The following SBF2 variants were observed in gnomAD, a reference collection of about 807,000 sequenced individuals.
SBF2 encodes the protein myotubularin-related protein 13.
SBF2 carries 112 observed loss-of-function variants against 225.2 expected under a neutral mutation model. The ratio of observed to expected loss-of-function variants is 0.50; its 90% confidence interval spans 0.43 to 0.58. SBF2 has a LOEUF of 0.58. SBF2 is among the 20% of genes least tolerant of loss of function. SBF2 has a pLI of 0.00. For synonymous variants in SBF2, 763 were observed against 773.3 expected, an observed-to-expected ratio of 0.99 and a Z score of 0.22; for missense variants, 1,996 against 2,206.2, an observed-to-expected ratio of 0.90 and a Z score of 1.91.
In SBF2 at chr11:9,959,186, G is replaced by C. The variant is rs1032796437; in HGVS notation, c.1860+2771C>G. The C allele has an allele frequency of 7.5e-6, 6 of 800,332 alleles. No individual in the cohort carries two copies. In the African/African-American group the frequency reaches 1.0e-4, roughly 13 times the overall value. 49.6% of individuals were successfully genotyped at this position (800,332 alleles called of 1,614,324 possible). A position where few individuals can be genotyped will look rare whatever the true frequency, so the allele number is the denominator to read the frequency against. On this transcript the variant is annotated intron_variant, in intron 16 of 39. Transcript: ENST00000256190. ...TCTTCCATGCTGATTCCTTCACAGG[G>C]TCCGATTTGGAATTTCCACTGGGCA...
intron 32 of SBF2, 134 bp from the exon 33 acceptor site, chr11:9,796,091 A>C (rs964336983): frequency 1.1e-6 from 1 of 869,870 alleles, no homozygotes; most frequent in South Asian, 1.5e-5. Flanking sequence ...AATCCCTACC[A>C]TAAGTAGAGA....
At chr11:9,902,936 G>A (rs1462958068) in intron 16 of SBF2, among the ~76,000 whole-genome samples, 1 of 141,656 alleles carries the variant, frequency 7.1e-6, no homozygotes, top group East Asian at 2.0e-4. Context: ...ACTAGTGGAG[G>A]AAAAAATGGA....
At chr11:9,796,973 A>C (rs1474101972) in intron 32 of SBF2, among the ~76,000 whole-genome samples, 1 of 152,180 alleles carries the variant, frequency 6.6e-6, no homozygotes, top group Non-Finnish European at 1.5e-5. Flanking sequence ...GACACTCCCT[A>C]GTCTGCCTCG....
intron 1 of SBF2, among the ~76,000 whole-genome samples, chr11:10,254,884 GAGTGAGACTCTGTCTCAAAAAAAAAAAAA>G (rs1960717523): frequency 3.4e-5 from 3 of 88,856 alleles, no homozygotes; most frequent in Non-Finnish European, 6.3e-5. Flanking sequence ...CTGGGTGACA[GAGTGAGACTCTGTCTCAAAAAAAAAAAAA>G]AAAAAAAAAA....
intron 13 of SBF2, among the ~76,000 whole-genome samples, chr11:9,970,741 T>C (rs1021091205): frequency 1.3e-5 from 2 of 152,232 alleles, no homozygotes; most frequent in Non-Finnish European, 2.9e-5. Flanking sequence ...GCTTATCTTA[T>C]ATAAGGCTCC....
At position 10,185,115 on chromosome 11, in the gene SBF2, G is replaced by GT. The variant is rs1956882966; in HGVS notation, c.141+8786_141+8787insA. ...TTAAGGCTGAATAATATTCTGGGGG[G>GT]GGGTGTGTGTGTGCGTGCACACGTG... On this transcript the variant is annotated intron_variant, in intron 2 of 39. Coordinates refer to ENST00000256190, the MANE Select transcript of SBF2 (RefSeq NM_030962.4). Among the ~76,000 whole-genome samples the GT allele has an allele frequency of 2.7e-5, 4 of 150,836 alleles. No homozygotes were observed. In the South Asian group the frequency reaches 8.7e-4, roughly 33 times the overall value.
At chr11:10,129,842 AC>A (rs1411314115) in intron 2 of SBF2, among the ~76,000 whole-genome samples, 1 of 151,930 alleles carries the variant, frequency 6.6e-6, no homozygotes, top group Non-Finnish European at 1.5e-5. Context: ...CCATCTCTAA[AC>A]AAACAAACAA....
intron 2 of SBF2, among the ~76,000 whole-genome samples, chr11:10,151,890 A>G (rs926810845): frequency 5.3e-5 from 8 of 152,200 alleles, no homozygotes; most frequent in Non-Finnish European, 1.0e-4. Context: ...ACATTAATCA[A>G]CTATTACTGT....
intron 16 of SBF2, among the ~76,000 whole-genome samples, chr11:9,955,094 A>G (rs1013660620): frequency 6.6e-6 from 1 of 152,024 alleles, no homozygotes; most frequent in Non-Finnish European, 1.5e-5. Flanking sequence ...CCTTTCTAAA[A>G]AACTGAGGAC....
At chr11:9,945,679 T>C (rs1220704877) in intron 16 of SBF2, among the ~76,000 whole-genome samples, 1 of 152,066 alleles carries the variant, frequency 6.6e-6, no homozygotes, top group Non-Finnish European at 1.5e-5. Context: ...GAAAAAATAT[T>C]AACAAACTAT....
intron 1 of SBF2, among the ~76,000 whole-genome samples, chr11:10,207,878 G>A (rs1034309807): frequency 6.6e-6 from 1 of 152,028 alleles, no homozygotes; most frequent in Admixed American, 6.5e-5. Flanking sequence ...TCTTATCAAA[G>A]GTAAATATGA....
intron 3 of SBF2, among the ~76,000 whole-genome samples, chr11:10,040,056 C>A (rs375812310): frequency 1.3e-4 from 19 of 151,866 alleles, no homozygotes; most frequent in African/African-American, 4.1e-4. Flanking sequence ...AGAAAATAAT[C>A]ATTTTTTGTT....
At chr11:10,239,200 C>A (rs1198119627) in intron 1 of SBF2, among the ~76,000 whole-genome samples, 1 of 150,494 alleles carries the variant, frequency 6.6e-6, no homozygotes, top group African/African-American at 2.4e-5. Flanking sequence ...CAAGCTCATA[C>A]AAAATTTTTA....
At chr11:10,229,246 G>C (rs12418502) in intron 1 of SBF2, among the ~76,000 whole-genome samples, 32,124 of 151,842 alleles carry the variant, frequency 0.21, 4,102 homozygotes, top group Non-Finnish European at 0.3. Flanking sequence ...TATCAATTTT[G>C]TTGATCTTTT....
At chr11:10,168,557 AC>A (rs563049997) in intron 2 of SBF2, among the ~76,000 whole-genome samples, 2 of 152,334 alleles carry the variant, frequency 1.3e-5, no homozygotes, top group South Asian at 4.1e-4. Context: ...TACAGATAAT[AC>A]CCAGGTAGAA....
At chr11:10,148,945 C>T (rs1955024656) in intron 2 of SBF2, among the ~76,000 whole-genome samples, 1 of 152,104 alleles carries the variant, frequency 6.6e-6, no homozygotes, top group Admixed American at 6.6e-5. Flanking sequence ...CCTGTTATCT[C>T]CCGTGGCCAC....
chr11:9,823,233 T>TGG (rs1227027653), intron 28 of SBF2, among the ~76,000 whole-genome samples: 4 of 152,310 alleles, frequency 2.6e-5, no homozygotes, highest in Middle Eastern at 3.4e-3. Flanking sequence ...ATTCACTTCT[T>TGG]GCTTTTAAAA....
intron 3 of SBF2, among the ~76,000 whole-genome samples, chr11:10,039,269 C>T (rs766377089): frequency 2.6e-5 from 4 of 151,696 alleles, no homozygotes; most frequent in Admixed American, 6.6e-5. Flanking sequence ...AAGAAAAACA[C>T]ATTTTTAAAG....
chr11:10,149,461 T>C (rs545420027), intron 2 of SBF2: 1 of 152,336 alleles, frequency 6.6e-6, no homozygotes, highest in African/African-American at 2.4e-5. Context: ...TGACTACATT[T>C]GGCAAGGTAA....
Sources: allele counts gnomAD v4.1 joint callset (sites outside exome capture counted in the v4.1 genomes callset), GRCh38; gene constraint gnomAD v4.1.1; transcripts MANE v1.5; gene names NCBI Gene and HGNC (gene_info 2026-07-23, HGNC 2026-07-21).